Variants in SLC35D2 observed in about 807,000 individuals in gnomAD.
The protein encoded by SLC35D2 is solute carrier family 35 member D2.
In SLC35D2, 43 loss-of-function variants were observed where a neutral mutation model predicts 41.8. The observed-to-expected ratio is 1.03, with a 90% CI of 0.81 to 1.33. The LOEUF (loss-of-function observed/expected upper bound fraction) is 1.33. SLC35D2 is among the 40% of genes most tolerant of loss of function. SLC35D2 has a pLI of 0.00. For missense variants in SLC35D2, 380 were observed against 408.4 expected (o/e 0.93, Z 0.60); for synonymous variants, 150 against 163.9 (o/e 0.92, Z 0.65).
chr9:96,348,454 T>A (rs1017840281), intron 6 of SLC35D2, among the ~76,000 whole-genome samples: 2 of 152,076 alleles, frequency 1.3e-5, no homozygotes, highest in Admixed American at 6.5e-5. Context: ...ACAGCGTGGA[T>A]GGCGTGGATG....
At chr9:96,344,557 C>A (rs949301924) in intron 7 of SLC35D2, among the ~76,000 whole-genome samples, 1,113 of 22,792 alleles carry the variant, frequency 0.049, no homozygotes, top group Middle Eastern at 0.091. Flanking sequence ...AAAAAAAAAA[C>A]AGAGCAGATA....
At chr9:96,357,162 G>C (rs1830061765) in intron 4 of SLC35D2, among the ~76,000 whole-genome samples, 1 of 152,090 alleles carries the variant, frequency 6.6e-6, no homozygotes, top group South Asian at 2.1e-4. Context: ...TGGGCAACAA[G>C]ACCGAAACTC....
At chr9:96,331,134 G>A (rs1290401797) in intron 9 of SLC35D2, among the ~76,000 whole-genome samples, 11 of 152,168 alleles carry the variant, frequency 7.2e-5, no homozygotes. Context: ...CTGACCTCAA[G>A]TGATCTGCCC....
chr9:96,328,751 G>A (rs1828667423), intron 9 of SLC35D2, among the ~76,000 whole-genome samples: 1 of 152,020 alleles, frequency 6.6e-6, no homozygotes, highest in Non-Finnish European at 1.5e-5. Flanking sequence ...ATATTCACAG[G>A]CCACTTTTGC....
intron 3 of SLC35D2, among the ~76,000 whole-genome samples, chr9:96,362,044 G>A (rs909605853): frequency 6.6e-6 from 1 of 152,128 alleles, no homozygotes; most frequent in Admixed American, 6.6e-5. Flanking sequence ...CAATAGAACA[G>A]ATAAGTAAAT....
intron 9 of SLC35D2, among the ~76,000 whole-genome samples, chr9:96,333,703 CCCACTGAGGACAGCTGA>C: frequency 6.6e-6 from 1 of 152,254 alleles, no homozygotes; most frequent in South Asian, 2.1e-4. Context: ...CCCGCCCTCA[CCCACTGAGGACAGCTGA>C]CCTCAGAGGG....
intron 9 of SLC35D2, among the ~76,000 whole-genome samples, chr9:96,329,666 C>T (rs1271754421): frequency 6.6e-6 from 1 of 152,084 alleles, no homozygotes; most frequent in Non-Finnish European, 1.5e-5. Flanking sequence ...AATTGCTCAG[C>T]CATTGCAATT....
chr9:96,345,843 T>A (rs903426238), intron 6 of SLC35D2, among the ~76,000 whole-genome samples: 3 of 152,184 alleles, frequency 2.0e-5, no homozygotes, highest in Non-Finnish European at 4.4e-5. Flanking sequence ...CAGCCACACC[T>A]CCATCTGGTG....
chr9:96,350,327 C>T (rs75378258), intron 6 of SLC35D2, among the ~76,000 whole-genome samples: 1,934 of 149,418 alleles, frequency 0.013, 35 homozygotes, highest in African/African-American at 0.045. Context: ...CACACCACGA[C>T]GCCAGGCTAA....
chr9:96,364,841 T>C (rs1218511000), intron 2 of SLC35D2, among the ~76,000 whole-genome samples: 3 of 151,654 alleles, frequency 2.0e-5, no homozygotes, highest in Non-Finnish European at 4.4e-5. Context: ...TTACTTGAGG[T>C]CAGGAGCTCA....
Position 96,354,766 on chromosome 9 carries a change from C to CAAAAAAAAA in SLC35D2, c.348-2666_348-2658dup, listed in dbSNP as rs59013884. Among the ~76,000 whole-genome samples the CAAAAAAAAA allele has an allele frequency of 3.2e-4, 15 of 46,742 alleles. 1 individual carries two copies. Among genetic ancestry groups the CAAAAAAAAA allele is most frequent in the South Asian group, 1.8e-3 (1 of 570 alleles). 30.7% of individuals were successfully genotyped at this position (46,742 alleles called of 152,430 possible). A position where few individuals can be genotyped will look rare whatever the true frequency, so the allele number is the denominator to read the frequency against. ...TGGGCAACAAAGTGAGACTCCATCT[C>CAAAAAAAAA]AAAAAAAAAAAAAAAAAAAAAAAAA... On this transcript the variant is annotated intron_variant, in intron 4 of 11. Coordinates refer to ENST00000253270, the MANE Select transcript of SLC35D2 (RefSeq NM_007001.3).
intron 6 of SLC35D2, among the ~76,000 whole-genome samples, chr9:96,348,218 T>A (rs1829662000): frequency 6.6e-6 from 1 of 152,242 alleles, no homozygotes; most frequent in African/African-American, 2.4e-5. Context: ...AGCCCAGATG[T>A]ATTTTAACTT....
chr9:96,332,284 G>A (rs537610008), intron 9 of SLC35D2, among the ~76,000 whole-genome samples: 24 of 152,210 alleles, frequency 1.6e-4, no homozygotes, highest in African/African-American at 4.6e-4. Context: ...CCCGTCAGGA[G>A]AGAAGAGACA....
chr9:96,343,292 G>A (rs1829423074), intron 8 of SLC35D2, among the ~76,000 whole-genome samples: 1 of 152,190 alleles, frequency 6.6e-6, no homozygotes, highest in Non-Finnish European at 1.5e-5. Flanking sequence ...TACGGTTTCA[G>A]GGCAAATGCT....
chr9:96,334,498 TGTG>T (rs1828958496), intron 9 of SLC35D2, among the ~76,000 whole-genome samples: 1 of 151,852 alleles, frequency 6.6e-6, no homozygotes, highest in South Asian at 2.1e-4. Context: ...ATTAGCCAGG[TGTG>T]GTGGTGGGCA....
chr9:96,343,974 A>G lies in SLC35D2; in HGVS notation c.614T>C (p.Leu205Pro). The change falls in exon 8 of 12, where the codon CTT becomes CCT. Residue 205 changes from leucine to proline, a missense_variant. Transcript: ENST00000253270. The stretch of plus-strand genomic sequence containing the variant: ...AATCATGAAGCAGGCATTGTAGAAA[A>G]GTACTCCGTATTTCCCTAGCTCCTG... The part of the protein sequence containing the change: ...DPKELGKYGV[L>P]FYNACFMIIP... The G allele has an allele frequency of 1.2e-6, 2 of 1,600,418 alleles. No homozygotes were observed. Among genetic ancestry groups the G allele is most frequent in the Non-Finnish European group, 1.7e-6 (2 of 1,175,008 alleles).
intron 1 of SLC35D2, among the ~76,000 whole-genome samples, chr9:96,372,909 T>G (rs377243553): frequency 1.2e-4 from 17 of 141,464 alleles, no homozygotes; most frequent in South Asian, 7.0e-4. Flanking sequence ...GTTTTTTTGT[T>G]TTTTTTTTTT....
rs147468688 is a variant in SLC35D2, at chr9:96,378,298, TG to T, written c.158+5178del. 2.6e-3 allele frequency among the ~76,000 whole-genome samples: 393 copies of T among 150,380 alleles called. 1 individual carries two copies. Among genetic ancestry groups the T allele is most frequent in the African/African-American group, 9.1e-3 (372 of 40,936 alleles). ...AAAAAAAAAAAACAGCTGGGCACGA[TG>T]GTGTGCACCTGCAGTCCCAGCTACT... On this transcript the variant is annotated intron_variant, in intron 1 of 11. Coordinates refer to ENST00000253270, the MANE Select transcript of SLC35D2 (RefSeq NM_007001.3).
intron 11 of SLC35D2, among the ~76,000 whole-genome samples, chr9:96,315,128 T>G (rs1037321188): frequency 3.3e-5 from 5 of 152,152 alleles, no homozygotes; most frequent in African/African-American, 1.2e-4. Context: ...TTTCATAGAC[T>G]TTTTCTTTAA....
Sources: allele counts gnomAD v4.1 joint callset (sites outside exome capture counted in the v4.1 genomes callset), GRCh38; gene constraint gnomAD v4.1.1; transcripts MANE v1.5; gene names NCBI Gene and HGNC (gene_info 2026-07-23, HGNC 2026-07-21).